Variants in GALNT17 observed in about 807,000 individuals in gnomAD.
GALNT17 encodes polypeptide N-acetylgalactosaminyltransferase 17.
GALNT17 carries 29 observed loss-of-function variants against 63.7 expected under a neutral mutation model. The ratio of observed to expected loss-of-function variants is 0.46; its 90% confidence interval spans 0.34 to 0.62. The LOEUF (loss-of-function observed/expected upper bound fraction) is 0.62. GALNT17 is among the 20% of genes least tolerant of loss of function. The pLI, the probability that GALNT17 is intolerant of heterozygous loss-of-function variation, is 0.01. For synonymous variants in GALNT17, 305 were observed against 318.3 expected, an observed-to-expected ratio of 0.96 and a Z score of 0.45; for missense variants, 603 against 799.6, an observed-to-expected ratio of 0.75 and a Z score of 2.97.
intron 6 of GALNT17, among the ~76,000 whole-genome samples, chr7:71,651,308 C>CA (rs531946734): frequency 7.5e-6 from 1 of 133,910 alleles, no homozygotes; most frequent in Admixed American, 7.6e-5. Context: ...ACTTTTTAGG[C>CA]TTTTTTTTTT....
At chr7:71,502,936 C>T (rs1354499208) in intron 5 of GALNT17, among the ~76,000 whole-genome samples, 1 of 152,200 alleles carries the variant, frequency 6.6e-6, no homozygotes, top group Non-Finnish European at 1.5e-5. Flanking sequence ...AATAGGCACA[C>T]CGTGTTACTA....
At chr7:71,638,097 G>T (rs1225635214) in intron 6 of GALNT17, among the ~76,000 whole-genome samples, 1 of 152,168 alleles carries the variant, frequency 6.6e-6, no homozygotes. Flanking sequence ...ACCATAGAGG[G>T]TAACTTCCTG....
chr7:71,704,142 A>C (rs1791691304), intron 9 of GALNT17, among the ~76,000 whole-genome samples: 1 of 152,134 alleles, frequency 6.6e-6, no homozygotes, highest in Non-Finnish European at 1.5e-5. Context: ...AGACCCGTAA[A>C]ACCTGTAGTT....
At chr7:71,285,716 A>G (rs1009251826) in intron 1 of GALNT17, among the ~76,000 whole-genome samples, 3 of 152,062 alleles carry the variant, frequency 2.0e-5, no homozygotes, top group African/African-American at 7.3e-5. Flanking sequence ...AAAAGACAGT[A>G]TCTATGAACC....
rs919663129 is a variant in GALNT17, at chr7:71,356,974, G to T, written c.422+21241G>T. On this transcript the variant is annotated intron_variant, in intron 2 of 10. Transcript: ENST00000333538. ...TTTTTGTATTTTTAGTAGAGACAGG[G>T]TTTCACCACGTTGGTCAGGCTGGTC... 2.0e-5 allele frequency among the ~76,000 whole-genome samples: 3 copies of T among 151,820 alleles called. No individual in the cohort carries two copies. The East Asian group carries it at 5.8e-4, about 29-fold the overall frequency.
Position 71,335,550 on chromosome 7 carries a change from G to T in GALNT17, c.239G>T (p.Gly80Val). ...LEDIVYRQLN[G>V]LSKSLGLIEG... ...TTCTTTTTTCTCCCACTTTTTCTAG[G>T]CTTATCCAAATCCCTTGGGCTCATT... The change falls in exon 2 of 11, where the codon GGC (glycine) becomes GTC (valine). Residue 80 changes from glycine (G) to valine (V), a missense_variant and splice_region_variant. Physicochemically the swap from Gly to Val is moderately radical, Grantham distance 109 (BLOSUM62 -3). Around this residue, in one of 3 missense-constraint regions of GALNT17, gnomAD observed 195 missense variants for 215.0 expected, o/e 0.91. Coordinates refer to ENST00000333538, the MANE Select transcript of GALNT17 (RefSeq NM_022479.3). The T allele has an allele frequency of 6.4e-7, 1 of 1,566,530 alleles. No individual in the cohort carries two copies. The highest frequency in any genetic ancestry group is 8.6e-7 in the Non-Finnish European group (1 of 1,159,452).
chr7:71,663,848 G>A (rs1434643659), intron 6 of GALNT17, among the ~76,000 whole-genome samples: 1 of 152,154 alleles, frequency 6.6e-6, no homozygotes, highest in Non-Finnish European at 1.5e-5. Flanking sequence ...ATGGCTTGAA[G>A]TAACCCATCT....
At chr7:71,408,962 G>A (rs1008033509) in intron 3 of GALNT17, among the ~76,000 whole-genome samples, 5 of 149,506 alleles carry the variant, frequency 3.3e-5, no homozygotes, top group Non-Finnish European at 5.9e-5. Flanking sequence ...CTGTATATGT[G>A]TACATGTGTA....
intron 6 of GALNT17, among the ~76,000 whole-genome samples, chr7:71,591,269 T>C (rs1385181542): frequency 2.6e-5 from 4 of 152,150 alleles, no homozygotes; most frequent in African/African-American, 9.7e-5. Flanking sequence ...TTGGCCAGGC[T>C]GGTCTTGAAC....
chr7:71,440,897 T>C (rs745968266), intron 5 of GALNT17, among the ~76,000 whole-genome samples: 3 of 152,210 alleles, frequency 2.0e-5, no homozygotes, highest in Non-Finnish European at 4.4e-5. Context: ...TTACCAGTCA[T>C]GCAAGGTGTG....
chr7:71,414,480 C>T (rs1055697519), intron 3 of GALNT17, among the ~76,000 whole-genome samples: 6 of 152,086 alleles, frequency 3.9e-5, no homozygotes, highest in Non-Finnish European at 7.4e-5. Flanking sequence ...TTAATACCTC[C>T]CAAAGCTCTT....
rs550215648 is a variant in GALNT17 at position 71,164,474 on chromosome 7, G to A, written c.238+31434G>A. On this transcript the variant is annotated intron_variant, in intron 1 of 10. Transcript: ENST00000333538. ...TCCCACTAGGATCCTCCCTCGACTC[G>A]TGGGGATCACAATTTGAGATGAGAT... Among the ~76,000 whole-genome samples, 114 of 152,310 alleles carry A rather than the reference G, an allele frequency of 7.5e-4. 5 individuals are homozygous for A. The South Asian group carries it at 0.022, about 29-fold the overall frequency.
rs189769790 is a variant in GALNT17 at position 71,440,536 on chromosome 7, G to A, written c.962+19431G>A. Among the ~76,000 whole-genome samples, 46 of 152,036 alleles carry A rather than the reference G, an allele frequency of 3.0e-4. 5 individuals are homozygous for A. The highest frequency in any genetic ancestry group is 2.9e-3 in the East Asian group (15 of 5,148). On this transcript the variant is annotated intron_variant, in intron 5 of 10. Coordinates refer to ENST00000333538, the MANE Select transcript of GALNT17 (RefSeq NM_022479.3). ...ATTACAGGCATGTGCCACCATGCGCGGTTAACTTTGTATTTTTAGTAGAGA... is the reference window on the plus strand; with the variant it reads ...ATTACAGGCATGTGCCACCATGCGCAGTTAACTTTGTATTTTTAGTAGAGA...
Position 71,159,454 on chromosome 7 carries a change from C to G in GALNT17, c.238+26414C>G, listed in dbSNP as rs113854204. On this transcript the variant is annotated intron_variant, in intron 1 of 10. Transcript: ENST00000333538. The stretch of plus-strand genomic sequence containing the variant: ...TTCCTTTTTTTCTAGCATTTTAAGT[C>G]TTTACAAAACATTCAACTTGGTTTT... 5.7e-3 allele frequency among the ~76,000 whole-genome samples: 869 copies of G among 151,192 alleles called. 26 individuals carry two copies. Among genetic ancestry groups the G allele is most frequent in the African/African-American group, 0.019 (782 of 40,830 alleles).
At chr7:71,597,969 G>T (rs1417197187) in intron 6 of GALNT17, among the ~76,000 whole-genome samples, 1 of 151,312 alleles carries the variant, frequency 6.6e-6, no homozygotes, top group East Asian at 1.9e-4. Flanking sequence ...TTTTGAGACG[G>T]AGTCTCACTC....
intron 4 of GALNT17, 47 bp from the exon 5 acceptor site, chr7:71,420,861 C>T (rs1459631264): frequency 1.9e-6 from 3 of 1,607,452 alleles, no homozygotes; most frequent in Non-Finnish European, 2.6e-6. Flanking sequence ...GGAGGTGTGC[C>T]TCACGGGAGA....
intron 5 of GALNT17, among the ~76,000 whole-genome samples, chr7:71,436,117 C>G (rs1786959434): frequency 6.6e-6 from 1 of 151,992 alleles, no homozygotes; most frequent in Non-Finnish European, 1.5e-5. Flanking sequence ...ACAGCTGGCT[C>G]TGGTGCGAAT....
chr7:71,426,561 C>G (rs1181933373), intron 5 of GALNT17, among the ~76,000 whole-genome samples: 1 of 152,130 alleles, frequency 6.6e-6, no homozygotes, highest in African/African-American at 2.4e-5. Context: ...GGCATCTTGG[C>G]TTTTGAGGAG....
chr7:71,553,697 C>A (rs1032389237), intron 5 of GALNT17, among the ~76,000 whole-genome samples: 2 of 152,206 alleles, frequency 1.3e-5, no homozygotes, highest in Non-Finnish European at 2.9e-5. Flanking sequence ...AATAAGAATT[C>A]AACTTGCTCT....
Sources: gnomAD v4.1 joint callset for allele counts (sites outside exome capture counted in the v4.1 genomes callset) on GRCh38, gnomAD v4.1.1 for gene constraint, gnomAD v4.1.1 regional missense constraint, MANE v1.5 for transcripts, NCBI Gene and HGNC (gene_info 2026-07-23, HGNC 2026-07-21) for gene names.